USP25: variants seen among roughly 807,000 people sequenced by gnomAD.
The protein encoded by USP25 is ubiquitin carboxyl-terminal hydrolase 25.
USP25 carries 85 observed loss-of-function variants against 158.5 expected under a neutral mutation model. The observed-to-expected ratio is 0.54, with a 90% CI of 0.45 to 0.64. USP25 has a LOEUF of 0.64. Ranked by LOEUF, USP25 falls within the 30% of genes least tolerant of loss-of-function variation. USP25 has a pLI of 0.00. For missense variants in USP25, 1,242 were observed against 1,327.3 expected (o/e 0.94, Z 1.00); for synonymous variants, 464 against 460.4 (o/e 1.01, Z -0.10).
chr21:15,849,784 T>C lies in USP25; in HGVS notation c.2459T>C (p.Met820Thr). Residue 820 changes from methionine (M) to threonine (T), a missense_variant, in exon 20 of 26, where the codon ATG (methionine) becomes ACG (threonine). This residue lies in a region of USP25 where 608 missense variants were observed against 605.2 expected (regional missense o/e 1.00). Transcript: ENST00000400183. ...AACTATCTTCTGTGGCAGATCATGATGACACCGAACATGCAAGGTATTATC... is the reference window on the plus strand; with the variant it reads ...AACTATCTTCTGTGGCAGATCATGACGACACCGAACATGCAAGGTATTATC... ...KEGGYDDEIM[M>T]TPNMQGIIMA... 6.5e-7 allele frequency: 1 copy of C among 1,534,612 alleles called. No individual in the cohort carries two copies. The highest frequency in any genetic ancestry group is 8.8e-7 in the Non-Finnish European group (1 of 1,140,936).
At chr21:15,748,500 C>T (rs960366896) in intron 1 of USP25, among the ~76,000 whole-genome samples, 2 of 121,946 alleles carry the variant, frequency 1.6e-5, no homozygotes, top group African/African-American at 6.4e-5. Flanking sequence ...GGGTCTCGCT[C>T]TGTTTCCCAG....
chr21:15,863,309 C>T (rs1482689305), intron 20 of USP25, among the ~76,000 whole-genome samples: 2 of 151,738 alleles, frequency 1.3e-5, no homozygotes, highest in African/African-American at 4.8e-5. Flanking sequence ...AAGTTTAAAC[C>T]TTAAGGTAAT....
chr21:15,770,804 C>T (rs1276097465), intron 3 of USP25, among the ~76,000 whole-genome samples: 1 of 152,126 alleles, frequency 6.6e-6, no homozygotes, highest in Non-Finnish European at 1.5e-5. Flanking sequence ...TTACAACACT[C>T]TTTTAAGAGA....
At chr21:15,758,613 C>G (rs2033538018) in intron 1 of USP25, among the ~76,000 whole-genome samples, 1 of 152,078 alleles carries the variant, frequency 6.6e-6, no homozygotes, top group Admixed American at 6.6e-5. Context: ...GTGTATTAGT[C>G]TGTTCTCATG....
chr21:15,870,357 C>T (rs1432849512), intron 23 of USP25, among the ~76,000 whole-genome samples: 1 of 152,092 alleles, frequency 6.6e-6, no homozygotes, highest in Non-Finnish European at 1.5e-5. Flanking sequence ...CCATTTAAAA[C>T]TCCGTAAGGT....
Position 15,785,778 on chromosome 21 carries a change from C to T in USP25, c.393-5724C>T, listed in dbSNP as rs151278886. Among the ~76,000 whole-genome samples the T allele has an allele frequency of 1.6e-3, 245 of 151,938 alleles. 6 individuals carry two copies. In the East Asian group the frequency reaches 0.039, roughly 24 times the overall value. ...CCTGAAAAGCAAGAACAAATTAAAC[C>T]CAAAATTGGTAGGATGGAAATAATA... is the stretch of plus-strand genomic sequence containing the variant. On this transcript the variant is annotated intron_variant, in intron 4 of 25. Coordinates refer to ENST00000400183, the MANE Select transcript of USP25 (RefSeq NM_001283041.3).
chr21:15,841,713 G>A (rs9983385), intron 17 of USP25, among the ~76,000 whole-genome samples: 30,855 of 151,996 alleles, frequency 0.2, 4,918 homozygotes, highest in African/African-American at 0.45. Context: ...AGATGACTGT[G>A]AGCTTCATGG....
At chr21:15,824,816 A>C in intron 11 of USP25, 150 bp from the exon 12 acceptor site, 1 of 594,968 alleles carries the variant, frequency 1.7e-6, no homozygotes, top group Admixed American at 3.6e-5. Flanking sequence ...AGATTTCACC[A>C]TGTTGGCCAG....
intron 20 of USP25, among the ~76,000 whole-genome samples, chr21:15,851,876 C>G (rs781633217): frequency 1.3e-5 from 2 of 152,016 alleles, no homozygotes; most frequent in African/African-American, 4.8e-5. Flanking sequence ...CACCATCATT[C>G]TGGGGATTCC....
intron 2 of USP25, among the ~76,000 whole-genome samples, chr21:15,765,445 A>G (rs1022844642): frequency 3.3e-5 from 5 of 152,176 alleles, no homozygotes; most frequent in Middle Eastern, 3.4e-3. Context: ...TCATCTTGAC[A>G]GTATTGAGTA....
chr21:15,815,459 C>G (rs2036889345), intron 9 of USP25, among the ~76,000 whole-genome samples: 1 of 152,140 alleles, frequency 6.6e-6, no homozygotes. Context: ...TGCAGACACT[C>G]AACACCAACC....
chr21:15,739,280 A>G (rs1286119119), intron 1 of USP25, among the ~76,000 whole-genome samples: 3 of 152,142 alleles, frequency 2.0e-5, no homozygotes, highest in Non-Finnish European at 4.4e-5. Flanking sequence ...AAAGGCAGTT[A>G]CCTACTTTTG....
chr21:15,765,920 T>G, intron 2 of USP25, 77 bp from the exon 3 acceptor site: 6 of 1,452,934 alleles, frequency 4.1e-6, no homozygotes, highest in East Asian at 2.4e-5. Flanking sequence ...TAGAGAGTTA[T>G]GGAGAATATT....
At chr21:15,804,232 G>A (rs1249735797) in intron 6 of USP25, among the ~76,000 whole-genome samples, 1 of 151,750 alleles carries the variant, frequency 6.6e-6, no homozygotes, top group Non-Finnish European at 1.5e-5. Flanking sequence ...AATGCTTTGT[G>A]TAGTAAAAAG....
intron 9 of USP25, among the ~76,000 whole-genome samples, chr21:15,813,998 G>A (rs1600999628): frequency 6.6e-6 from 1 of 151,384 alleles, no homozygotes; most frequent in Non-Finnish European, 1.5e-5. Context: ...GGAGGTAATT[G>A]AATTATGGGG....
chr21:15,762,498 A>G (rs1368398800), intron 1 of USP25, among the ~76,000 whole-genome samples: 1 of 152,122 alleles, frequency 6.6e-6, no homozygotes, highest in Non-Finnish European at 1.5e-5. Flanking sequence ...TTACCCACCG[A>G]GTTATGTCTT....
In USP25 at chr21:15,877,934, C is replaced by T. The variant is rs527953241; in HGVS notation, c.3148C>T (p.Leu1050=). Reference sequence around the variant, plus strand: ...GGATGAAATGGAAGAAAAGGATATACTAGCTGTAGAAGATATGAGAAATCG... The same window carrying T: ...GGATGAAATGGAAGAAAAGGATATATTAGCTGTAGAAGATATGAGAAATCG... ...LVDEMEEKDI[L]AVEDMRNRWC... Residue 1050 remains leucine (L), a synonymous_variant, in exon 25 of 26, where the codon CTA becomes TTA. Coordinates refer to ENST00000400183, the MANE Select transcript of USP25 (RefSeq NM_001283041.3). 1.5e-5 allele frequency: 25 copies of T among 1,613,506 alleles called. No individual in the cohort carries two copies. Among genetic ancestry groups the T allele is most frequent in the Non-Finnish European group, 2.1e-5 (25 of 1,179,782 alleles).
At chr21:15,754,616 T>C (rs2033255912) in intron 1 of USP25, among the ~76,000 whole-genome samples, 1 of 152,164 alleles carries the variant, frequency 6.6e-6, no homozygotes, top group African/African-American at 2.4e-5. Flanking sequence ...AATGGTGTTC[T>C]GTAGACCCTG....
At chr21:15,824,842 C>G in intron 11 of USP25, 124 bp from the exon 12 acceptor site, 1 of 706,972 alleles carries the variant, frequency 1.4e-6, no homozygotes, top group South Asian at 1.7e-5. Context: ...TCTTGAACTC[C>G]TGACCTCAGG....
Sources: gnomAD v4.1 joint callset for allele counts (sites outside exome capture counted in the v4.1 genomes callset) on GRCh38, gnomAD v4.1.1 for gene constraint, gnomAD v4.1.1 regional missense constraint, MANE v1.5 for transcripts, NCBI Gene and HGNC (gene_info 2026-07-23, HGNC 2026-07-21) for gene names.